The following ABTB3 variants were observed in gnomAD, a reference collection of about 807,000 sequenced individuals.
ABTB3 encodes the protein ankyrin repeat and BTB domain containing 3.
chr12:107,616,768 T>C, the ABTB3 span, among the ~76,000 whole-genome samples: 10,516 of 152,296 alleles, frequency 0.069, 512 homozygotes, highest in Middle Eastern at 0.11. Flanking sequence ...TGTTTATATA[T>C]GTATACATCT....
the ABTB3 span, chr12:107,320,171 C>A: frequency 2.2e-6 from 3 of 1,335,134 alleles, no homozygotes; most frequent in African/African-American, 1.5e-5. Context: ...TTCCCAGCCA[C>A]GCGCTGCTGT....
At chr12:107,434,725 A>G in the ABTB3 span, among the ~76,000 whole-genome samples, 2 of 152,176 alleles carry the variant, frequency 1.3e-5, no homozygotes, top group South Asian at 4.2e-4. Flanking sequence ...TTAGCAGGTC[A>G]TGGTGGTGTT....
At chr12:107,550,563 TTTTCTTTCTTTC>T in the ABTB3 span, among the ~76,000 whole-genome samples, 10 of 148,398 alleles carry the variant, frequency 6.7e-5, no homozygotes, top group Non-Finnish European at 1.5e-4. Flanking sequence ...ATTCTTCTAA[TTTTCTTTCTTTC>T]TTTCTTTCTT....
chr12:107,400,678 C>A, the ABTB3 span, among the ~76,000 whole-genome samples: 25 of 152,038 alleles, frequency 1.6e-4, no homozygotes, highest in Admixed American at 2.6e-4. Context: ...GTCAGTGTTA[C>A]CATTGTTATT....
At chr12:107,363,697 T>G in the ABTB3 span, among the ~76,000 whole-genome samples, 5 of 152,242 alleles carry the variant, frequency 3.3e-5, no homozygotes, top group Non-Finnish European at 7.3e-5. Context: ...CTTCTATTTT[T>G]TAAAGCAAGA....
At chr12:107,438,729 C>T in the ABTB3 span, among the ~76,000 whole-genome samples, 1 of 152,136 alleles carries the variant, frequency 6.6e-6, no homozygotes, top group African/African-American at 2.4e-5. Flanking sequence ...ATTTAACGTC[C>T]CCAAAGTTTG....
chr12:107,533,419 G>A, the ABTB3 span, among the ~76,000 whole-genome samples: 8 of 152,054 alleles, frequency 5.3e-5, no homozygotes, highest in South Asian at 1.7e-3. Context: ...TGAAAGTGAA[G>A]GAATGGAAAA....
the ABTB3 span, among the ~76,000 whole-genome samples, chr12:107,646,975 G>A: frequency 6.6e-6 from 1 of 152,098 alleles, no homozygotes; most frequent in African/African-American, 2.4e-5. Flanking sequence ...AAAAGCACAG[G>A]ACTAGAAGAG....
chr12:107,333,624 C>T, the ABTB3 span, among the ~76,000 whole-genome samples: 11 of 152,258 alleles, frequency 7.2e-5, no homozygotes, highest in South Asian at 2.3e-3. Flanking sequence ...TAGAAGTGCT[C>T]TGTAAACTGT....
chr12:107,326,638 A>G, the ABTB3 span, among the ~76,000 whole-genome samples: 1 of 152,148 alleles, frequency 6.6e-6, no homozygotes, highest in Admixed American at 6.5e-5. Context: ...TTCCAACTTA[A>G]AGTTCAGAGT....
chr12:107,369,616 C>T, the ABTB3 span, among the ~76,000 whole-genome samples: 1 of 150,804 alleles, frequency 6.6e-6, no homozygotes, highest in Non-Finnish European at 1.5e-5. Context: ...TCAGGCTGGT[C>T]TCGAACTCCT....
the ABTB3 span, among the ~76,000 whole-genome samples, chr12:107,587,289 C>T: frequency 6.0e-4 from 91 of 152,292 alleles, no homozygotes; most frequent in African/African-American, 2.1e-3. Context: ...TTTAGAAAGA[C>T]GGGCTGCTGG....
At chr12:107,558,167 A>T in the ABTB3 span, among the ~76,000 whole-genome samples, 1 of 152,246 alleles carries the variant, frequency 6.6e-6, no homozygotes, top group Non-Finnish European at 1.5e-5. Flanking sequence ...ATCCAGAGAT[A>T]GTGGGGGACG....
At chr12:107,586,578 C>G in the ABTB3 span, among the ~76,000 whole-genome samples, 1 of 152,224 alleles carries the variant, frequency 6.6e-6, no homozygotes, top group Non-Finnish European at 1.5e-5. Flanking sequence ...GAGCCGCTGC[C>G]TCCCCCGAAC....
At chr12:107,580,791 C>T in the ABTB3 span, 3 of 1,494,988 alleles carry the variant, frequency 2.0e-6, no homozygotes, top group Non-Finnish European at 2.7e-6. Flanking sequence ...GCTCCAGACC[C>T]TGCGCTTGGT....
chr12:107,551,338 GAAA>G, the ABTB3 span, among the ~76,000 whole-genome samples: 1 of 151,160 alleles, frequency 6.6e-6, no homozygotes, highest in South Asian at 2.1e-4. Flanking sequence ...TTCCTAAGGA[GAAA>G]AAAAAATACA....
chr12:107,483,622 A>G, the ABTB3 span, among the ~76,000 whole-genome samples: 1 of 152,194 alleles, frequency 6.6e-6, no homozygotes, highest in Non-Finnish European at 1.5e-5. Context: ...TCTGATTCCC[A>G]AATGCTTGCC....
chr12:107,563,099 T>TA, the ABTB3 span, among the ~76,000 whole-genome samples: 1 of 152,242 alleles, frequency 6.6e-6, no homozygotes. Context: ...ACATAGTTTT[T>TA]ATCCAAGCCT....
the ABTB3 span, among the ~76,000 whole-genome samples, chr12:107,557,535 T>G: frequency 4.6e-5 from 7 of 152,250 alleles, no homozygotes; most frequent in Non-Finnish European, 1.0e-4. Flanking sequence ...TATTTTAATT[T>G]TTTTCATGGT....
Sources: gnomAD v4.1 joint callset for allele counts (sites outside exome capture counted in the v4.1 genomes callset) on GRCh38, gnomAD v4.1.1 for gene constraint, MANE v1.5 for transcripts, NCBI Gene and HGNC (gene_info 2026-07-23, HGNC 2026-07-21) for gene names.